ZNF532: variants seen among roughly 807,000 people sequenced by gnomAD.
ZNF532 encodes zinc finger protein 532.
Under a neutral mutation model 89.3 loss-of-function variants are expected in ZNF532, and 22 were observed. That is an observed-to-expected ratio of 0.25 (90% CI 0.18 to 0.35). ZNF532 has a LOEUF of 0.35. Among genes scored for constraint, ZNF532 ranks in the 10% least tolerant of loss-of-function variants. ZNF532 has a pLI of 1.00. For synonymous variants in ZNF532, 606 were observed against 649.6 expected (o/e 0.93, Z 1.02); for missense variants, 1,132 against 1,643.4 (o/e 0.69, Z 5.38).
intron 2 of ZNF532, among the ~76,000 whole-genome samples, chr18:58,901,239 C>G (rs1341146114): frequency 6.6e-6 from 1 of 152,190 alleles, no homozygotes; most frequent in Non-Finnish European, 1.5e-5. Flanking sequence ...CCTTCGTCTC[C>G]TCTTGGCTTC....
intron 7 of ZNF532, among the ~76,000 whole-genome samples, chr18:58,976,110 C>T (rs1214757280): frequency 6.6e-6 from 1 of 152,176 alleles, no homozygotes; most frequent in Non-Finnish European, 1.5e-5. Flanking sequence ...AGAAAGTTGT[C>T]TGTTAGGTAA....
intron 5 of ZNF532, among the ~76,000 whole-genome samples, chr18:58,941,477 T>TTG (rs1418848597): frequency 6.7e-6 from 1 of 148,644 alleles, no homozygotes; most frequent in Non-Finnish European, 1.5e-5. Context: ...TCTTTTTTTT[T>TTG]TTTTTTTTTT....
chr18:58,981,224 C>G (rs1247733722), intron 8 of ZNF532: 1 of 482,150 alleles, frequency 2.1e-6, no homozygotes, highest in African/African-American at 2.0e-5. Context: ...TGAGAGAATA[C>G]TGAGTCATTG....
intron 2 of ZNF532, among the ~76,000 whole-genome samples, chr18:58,907,503 T>G (rs1300372030): frequency 6.6e-6 from 1 of 151,460 alleles, no homozygotes; most frequent in Non-Finnish European, 1.5e-5. Flanking sequence ...AGTTTTTTGT[T>G]TTTTTTTTGA....
intron 2 of ZNF532, among the ~76,000 whole-genome samples, chr18:58,870,278 C>T (rs2056871881): frequency 1.3e-5 from 2 of 151,968 alleles, no homozygotes; most frequent in Admixed American, 6.6e-5. Context: ...GGAAAAGGGC[C>T]CCAGGGAGAA....
At chr18:58,962,881 G>T (rs936223429) in intron 7 of ZNF532, among the ~76,000 whole-genome samples, 3 of 151,818 alleles carry the variant, frequency 2.0e-5, no homozygotes, top group Non-Finnish European at 2.9e-5. Flanking sequence ...GATTACAGGC[G>T]TGAGCCACCG....
At chr18:58,879,863 T>G (rs577329823) in intron 2 of ZNF532, among the ~76,000 whole-genome samples, 1 of 152,302 alleles carries the variant, frequency 6.6e-6, no homozygotes, top group South Asian at 2.1e-4. Context: ...TGTACTGTTT[T>G]GGGGGTGTAG....
chr18:58,888,815 T>TTATA (rs1308544095), intron 2 of ZNF532, among the ~76,000 whole-genome samples: 28 of 16,802 alleles, frequency 1.7e-3, no homozygotes, highest in African/African-American at 7.5e-3. Flanking sequence ...ATATAAAAAA[T>TTATA]TATATATATA....
intron 2 of ZNF532, among the ~76,000 whole-genome samples, chr18:58,897,764 C>T (rs556918787): frequency 6.6e-6 from 1 of 152,064 alleles, no homozygotes; most frequent in Non-Finnish European, 1.5e-5. Context: ...ACCAGCCTGG[C>T]CAACATGGCG....
At chr18:58,872,499 T>G (rs569113806) in intron 2 of ZNF532, among the ~76,000 whole-genome samples, 84 of 152,264 alleles carry the variant, frequency 5.5e-4, no homozygotes, top group Non-Finnish European at 7.8e-4. Flanking sequence ...GTTAGAAAAT[T>G]CAAAGCCCTC....
At chr18:58,982,787 C>G (rs1432277193) in intron 9 of ZNF532, among the ~76,000 whole-genome samples, 2 of 152,064 alleles carry the variant, frequency 1.3e-5, no homozygotes, top group Non-Finnish European at 2.9e-5. Flanking sequence ...CATTAAAATG[C>G]AATACTTCAA....
At chr18:58,962,680 G>A (rs1460075864) in intron 7 of ZNF532, among the ~76,000 whole-genome samples, 1 of 150,690 alleles carries the variant, frequency 6.6e-6, no homozygotes, top group Non-Finnish European at 1.5e-5. Context: ...TCGACTCACT[G>A]CAAGCTCCCA....
At chr18:58,948,033 A>G (rs930359840) in intron 5 of ZNF532, 34 bp from the exon 6 acceptor site, 2 of 1,578,968 alleles carry the variant, frequency 1.3e-6, no homozygotes, top group Non-Finnish European at 1.7e-6. Flanking sequence ...AAAGAGGCTG[A>G]CTGACATGAT....
rs2060911744 is a variant in ZNF532 at position 58,920,034 on chromosome 18, G to A, written c.1747G>A (p.Ala583Thr). The change falls in exon 3 of 10, where the codon GCT (alanine) becomes ACT (threonine). Residue 583 changes from alanine (A) to threonine (T), a missense_variant. Coordinates refer to ENST00000591808, the MANE Select transcript of ZNF532 (RefSeq NM_001375912.1). ...GTCCTTGCAGAGTTCTGTGGTGGAA[G>A]CTTTCAACAAGGTGCTGAGCAGTGT... is the stretch of plus-strand genomic sequence containing the variant. The part of the protein sequence containing the change: ...VSSLQSSVVE[A>T]FNKVLSSVNP... 8 of 1,613,716 alleles carry A rather than the reference G, an allele frequency of 5.0e-6. No homozygotes were observed. The highest frequency in any genetic ancestry group is 2.7e-5 in the African/African-American group (2 of 74,918).
intron 6 of ZNF532, 76 bp from the exon 7 acceptor site, chr18:58,953,440 CAT>C: frequency 7.9e-7 from 1 of 1,273,284 alleles, no homozygotes; most frequent in Non-Finnish European, 1.1e-6. Flanking sequence ...ATGTGTACCA[CAT>C]GTTAAGATAG....
intron 2 of ZNF532, among the ~76,000 whole-genome samples, chr18:58,898,340 A>G (rs2059379581): frequency 6.6e-6 from 1 of 152,232 alleles, no homozygotes; most frequent in African/African-American, 2.4e-5. Flanking sequence ...TCCGAGGCCT[A>G]CCTTTAATGT....
At chr18:58,876,474 A>G (rs1325784112) in intron 2 of ZNF532, among the ~76,000 whole-genome samples, 1 of 152,132 alleles carries the variant, frequency 6.6e-6, no homozygotes, top group Non-Finnish European at 1.5e-5. Context: ...CTAGCTTGGC[A>G]TGTGATGCTA....
At chr18:58,946,389 C>T (rs12455283) in intron 5 of ZNF532, among the ~76,000 whole-genome samples, 24,973 of 150,776 alleles carry the variant, frequency 0.17, 2,760 homozygotes, top group East Asian at 0.56. Context: ...GCCTCCTGGG[C>T]CCAAGCGATT....
upstream of ZNF532, chr18:58,863,584 C>T (rs1052905549): frequency 1.3e-5 from 2 of 150,508 alleles, no homozygotes; most frequent in South Asian, 1.8e-4. Flanking sequence ...GCAGCGGGAA[C>T]GCAGATGACA....
Sources: gnomAD v4.1 joint callset for allele counts (sites outside exome capture counted in the v4.1 genomes callset) on GRCh38, gnomAD v4.1.1 for gene constraint, MANE v1.5 for transcripts, NCBI Gene and HGNC (gene_info 2026-07-23, HGNC 2026-07-21) for gene names.